The following CACNA2D3 variants were observed in gnomAD, a reference collection of about 807,000 sequenced individuals.
The protein encoded by CACNA2D3 is calcium voltage-gated channel auxiliary subunit alpha2delta 3, also known as voltage-dependent calcium channel subunit alpha-2/delta-3.
A neutral mutation model predicts 160.6 loss-of-function variants in CACNA2D3; 60 were observed. The observed-to-expected ratio is 0.37, with a 90% CI of 0.30 to 0.46. CACNA2D3 has a LOEUF of 0.46. Ranked by LOEUF, CACNA2D3 falls within the 20% of genes least tolerant of loss-of-function variation. The probability of loss-of-function intolerance (pLI) is 1.00; values close to 1 mark genes in which losing one functional copy is unlikely to be tolerated. For missense variants in CACNA2D3, 1,205 were observed against 1,365.0 expected (o/e 0.88, Z 1.85); for synonymous variants, 558 against 492.9 (o/e 1.13, Z -1.75).
chr3:54,293,443 C>T (rs937487310), intron 2 of CACNA2D3, among the ~76,000 whole-genome samples: 2 of 152,090 alleles, frequency 1.3e-5, no homozygotes, highest in African/African-American at 2.4e-5. Context: ...TGAGTGAGAA[C>T]ATAATGATGT....
intron 13 of CACNA2D3, among the ~76,000 whole-genome samples, chr3:54,810,706 G>A (rs375506812): frequency 6.6e-6 from 1 of 152,016 alleles, no homozygotes; most frequent in Non-Finnish European, 1.5e-5. Flanking sequence ...GTGTTGTTTT[G>A]ATCAATAGAT....
intron 35 of CACNA2D3, among the ~76,000 whole-genome samples, chr3:55,029,612 C>A (rs1703647152): frequency 1.3e-5 from 2 of 151,988 alleles, no homozygotes; most frequent in South Asian, 2.1e-4. Context: ...GATAAAATAG[C>A]TCTTGGATTT....
intron 11 of CACNA2D3, among the ~76,000 whole-genome samples, chr3:54,723,324 T>TG (rs34275927): frequency 0.93 from 141,332 of 152,218 alleles, 65,881 homozygotes; most frequent in Non-Finnish European, 0.94. Context: ...CTTAGTTTGT[T>TG]GGCTCCATGG....
chr3:54,463,011 A>C (rs1281208556), intron 4 of CACNA2D3, among the ~76,000 whole-genome samples: 1 of 151,066 alleles, frequency 6.6e-6, no homozygotes, highest in Non-Finnish European at 1.5e-5. Context: ...TCTTTAAAGT[A>C]TTTTATTTCT....
At chr3:55,007,680 G>A (rs1256820228) in intron 32 of CACNA2D3, 110 bp from the exon 33 acceptor site, 1 of 681,300 alleles carries the variant, frequency 1.5e-6, no homozygotes, top group Non-Finnish European at 2.4e-6. Flanking sequence ...TTTTTAACAT[G>A]ATATCAATCT....
intron 11 of CACNA2D3, among the ~76,000 whole-genome samples, chr3:54,704,699 C>G (rs1700825344): frequency 6.6e-6 from 1 of 152,016 alleles, no homozygotes; most frequent in Non-Finnish European, 1.5e-5. Flanking sequence ...ATTAATATAC[C>G]CCATCTAACA....
intron 3 of CACNA2D3, among the ~76,000 whole-genome samples, chr3:54,326,744 G>C (rs1704128744): frequency 6.6e-6 from 1 of 152,144 alleles, no homozygotes; most frequent in African/African-American, 2.4e-5. Flanking sequence ...GGCAGTGGAG[G>C]TATATATGGC....
chr3:54,685,818 C>A (rs373926290), intron 11 of CACNA2D3, among the ~76,000 whole-genome samples: 4 of 152,170 alleles, frequency 2.6e-5, no homozygotes, highest in African/African-American at 9.7e-5. Flanking sequence ...CACCTGATTC[C>A]TTCCTCCACC....
intron 35 of CACNA2D3, among the ~76,000 whole-genome samples, chr3:55,064,490 G>A (rs1285199422): frequency 6.6e-6 from 1 of 152,148 alleles, no homozygotes; most frequent in African/African-American, 2.4e-5. Flanking sequence ...ATGGAGGAGA[G>A]TGCAACTGTA....
chr3:54,776,340 T>C (rs1258172739), intron 13 of CACNA2D3, among the ~76,000 whole-genome samples: 1 of 151,950 alleles, frequency 6.6e-6, no homozygotes, highest in Non-Finnish European at 1.5e-5. Context: ...AGACCCCCTG[T>C]CGCTACAAAA....
intron 4 of CACNA2D3, among the ~76,000 whole-genome samples, chr3:54,413,175 C>T (rs1699697437): frequency 6.6e-6 from 1 of 151,648 alleles, no homozygotes; most frequent in Admixed American, 6.6e-5. Context: ...TGTGAATTGA[C>T]AGCTAATTCT....
intron 17 of CACNA2D3, among the ~76,000 whole-genome samples, chr3:54,856,433 C>CTTCCTCCCTTCCTTT (rs1553889876): frequency 1.2e-4 from 19 of 152,104 alleles, no homozygotes; most frequent in Non-Finnish European, 1.9e-4. Flanking sequence ...GACTGGAACC[C>CTTCCTCCCTTCCTTT]TTCCTCCCTT....
chr3:54,826,232 C>T (rs1703747601), intron 14 of CACNA2D3, among the ~76,000 whole-genome samples: 1 of 151,968 alleles, frequency 6.6e-6, no homozygotes, highest in African/African-American at 2.4e-5. Flanking sequence ...CATTACAAAC[C>T]CAAATGTAGC....
intron 11 of CACNA2D3, among the ~76,000 whole-genome samples, chr3:54,718,566 T>C (rs1701107402): frequency 2.0e-5 from 3 of 152,090 alleles, no homozygotes; most frequent in South Asian, 4.1e-4. Flanking sequence ...GTACTCTGTT[T>C]TAATTACTTG....
chr3:54,455,124 T>G (rs1700374791), intron 4 of CACNA2D3, among the ~76,000 whole-genome samples: 1 of 152,194 alleles, frequency 6.6e-6, no homozygotes. Flanking sequence ...GGGGGATTGC[T>G]GGATCATATG....
intron 2 of CACNA2D3, among the ~76,000 whole-genome samples, chr3:54,196,225 G>C (rs1701077811): frequency 6.6e-6 from 1 of 152,128 alleles, no homozygotes; most frequent in African/African-American, 2.4e-5. Context: ...TTATAGGTTG[G>C]ACATACTATT....
intron 2 of CACNA2D3, among the ~76,000 whole-genome samples, chr3:54,258,967 G>C (rs946426612): frequency 5.9e-5 from 9 of 152,194 alleles, no homozygotes; most frequent in Admixed American, 2.6e-4. Flanking sequence ...GACTGAGGTA[G>C]CTAAAGTATT....
chr3:55,073,367 C>A (rs1704861057), intron 35 of CACNA2D3, 78 bp from the exon 36 acceptor site: 1 of 1,054,164 alleles, frequency 9.5e-7, no homozygotes, highest in Non-Finnish European at 1.5e-6. Flanking sequence ...GTTGCTACCA[C>A]CCAGGAGAGA....
At chr3:54,348,741 T>G (rs1698500104) in intron 3 of CACNA2D3, among the ~76,000 whole-genome samples, 1 of 152,198 alleles carries the variant, frequency 6.6e-6, no homozygotes, top group Admixed American at 6.5e-5. Context: ...TTATTTTTAT[T>G]TTTTTGAGAC....
Sources: gnomAD v4.1 joint callset for allele counts (sites outside exome capture counted in the v4.1 genomes callset) on GRCh38, gnomAD v4.1.1 for gene constraint, MANE v1.5 for transcripts, NCBI Gene and HGNC (gene_info 2026-07-23, HGNC 2026-07-21) for gene names.